SMG6: variants seen among roughly 807,000 people sequenced by gnomAD.
The protein encoded by SMG6 is SMG6 nonsense mediated mRNA decay factor.
SMG6 carries 66 observed loss-of-function variants against 142.2 expected under a neutral mutation model. That is an observed-to-expected ratio of 0.46 (90% confidence interval 0.38 to 0.57). SMG6 has a LOEUF of 0.57. Among genes scored for constraint, SMG6 ranks in the 20% least tolerant of loss-of-function variants. SMG6 has a pLI of 0.00. For synonymous variants in SMG6, 779 were observed against 702.4 expected (o/e 1.11, Z -1.72); for missense variants, 1,793 against 1,832.0 (o/e 0.98, Z 0.39).
intron 8 of SMG6, chr17:2,244,995 T>C (rs1427865347): frequency 4.5e-6 from 2 of 439,794 alleles, no homozygotes; most frequent in East Asian, 7.4e-5. Flanking sequence ...TGAATCCTAA[T>C]AAGCAGGATA....
At chr17:2,087,890 A>G in intron 13 of SMG6, 2 of 985,816 alleles carry the variant, frequency 2.0e-6, no homozygotes, top group Non-Finnish European at 2.4e-6. Context: ...CCTTGTCGTT[A>G]CAGTGTGTGT....
intron 10 of SMG6, among the ~76,000 whole-genome samples, chr17:2,192,326 T>C (rs2072189601): frequency 1.3e-5 from 2 of 152,260 alleles, no homozygotes; most frequent in African/African-American, 4.8e-5. Flanking sequence ...CTGGCAGCGA[T>C]GGAACTATCA....
chr17:2,288,032 G>GGCA (rs2074945991), intron 6 of SMG6, among the ~76,000 whole-genome samples: 3 of 152,220 alleles, frequency 2.0e-5, no homozygotes, highest in Admixed American at 2.0e-4. Flanking sequence ...GGGTAAGACA[G>GGCA]GCAGGGCATG....
chr17:2,252,822 T>C (rs1295534077), intron 8 of SMG6, among the ~76,000 whole-genome samples: 2 of 152,182 alleles, frequency 1.3e-5, no homozygotes, highest in Admixed American at 6.5e-5. Flanking sequence ...CTGGGCTATA[T>C]CAGACACTGG....
intron 13 of SMG6, among the ~76,000 whole-genome samples, chr17:2,161,718 TAA>T (rs112428763): frequency 7.0e-6 from 1 of 142,524 alleles, no homozygotes; most frequent in Non-Finnish European, 1.5e-5. Context: ...AGGATTTGTC[TAA>T]AAAAAAAAAA....
intron 13 of SMG6, among the ~76,000 whole-genome samples, chr17:2,102,316 A>C (rs1489131924): frequency 6.6e-6 from 1 of 152,146 alleles, no homozygotes; most frequent in Non-Finnish European, 1.5e-5. Context: ...TCAAATACTT[A>C]TCATTTTATT....
At chr17:2,102,988 T>C (rs529112374) in intron 13 of SMG6, among the ~76,000 whole-genome samples, 1 of 152,326 alleles carries the variant, frequency 6.6e-6, no homozygotes, top group East Asian at 1.9e-4. Context: ...AAAGGCCAAA[T>C]AGTACTCCAT....
chr17:2,119,849 A>G (rs1156863791), intron 13 of SMG6, among the ~76,000 whole-genome samples: 1 of 152,096 alleles, frequency 6.6e-6, no homozygotes, highest in Non-Finnish European at 1.5e-5. Context: ...TTTTTAGTAG[A>G]GACCAGGTTT....
At chr17:2,162,861 T>C (rs1489479933) in intron 13 of SMG6, among the ~76,000 whole-genome samples, 1 of 152,130 alleles carries the variant, frequency 6.6e-6, no homozygotes, top group Non-Finnish European at 1.5e-5. Context: ...AGAAAGGGTC[T>C]CCCTCTGTGG....
chr17:2,230,255 C>T (rs1187997386), intron 10 of SMG6, among the ~76,000 whole-genome samples: 1 of 98,992 alleles, frequency 1.0e-5, no homozygotes, highest in African/African-American at 3.9e-5. Flanking sequence ...GTCCTGCTGC[C>T]AAAATTCCTC....
intron 12 of SMG6, among the ~76,000 whole-genome samples, chr17:2,178,576 G>A (rs2071715032): frequency 6.6e-6 from 1 of 152,302 alleles, no homozygotes; most frequent in African/African-American, 2.4e-5. Flanking sequence ...AGGGCAGCTG[G>A]AACCCTATGG....
chr17:2,225,632 C>A (rs187476810), intron 10 of SMG6, among the ~76,000 whole-genome samples: 14 of 152,060 alleles, frequency 9.2e-5, no homozygotes, highest in Admixed American at 7.2e-4. Context: ...TACATGACAA[C>A]GATGGCATGC....
At chr17:2,169,874 C>A (rs2071450731) in intron 13 of SMG6, among the ~76,000 whole-genome samples, 2 of 152,104 alleles carry the variant, frequency 1.3e-5, no homozygotes, top group African/African-American at 4.8e-5. Flanking sequence ...GGAACCAGAG[C>A]AACCAGTCAG....
chr17:2,200,406 C>A (rs1378432789), intron 10 of SMG6, among the ~76,000 whole-genome samples: 1 of 151,798 alleles, frequency 6.6e-6, no homozygotes, highest in Non-Finnish European at 1.5e-5. Context: ...ATGTGCACAA[C>A]GTGCAGGTTT....
At chr17:2,244,094 C>T (rs1382104728) in intron 9 of SMG6, among the ~76,000 whole-genome samples, 1 of 152,290 alleles carries the variant, frequency 6.6e-6, no homozygotes, top group East Asian at 1.9e-4. Context: ...TAGTTTTGCA[C>T]ACACTACCTT....
rs553594178 is a variant in SMG6, at chr17:2,296,389, T to C, written c.2151+854A>G. On this transcript the variant is annotated intron_variant, in intron 4 of 18. Transcript: ENST00000263073. ...CTTGACAATCTCCAAGAAGCCTTCC[T>C]TGGCCCCACCAGGCTACGTTAGATT... Among the ~76,000 whole-genome samples, 9 of 152,326 alleles carry C rather than the reference T, an allele frequency of 5.9e-5. No individual in the cohort carries two copies. The South Asian group carries it at 1.4e-3, about 25-fold the overall frequency.
rs549489817 is a variant in SMG6 at position 2,218,005 on chromosome 17, G to T, written c.2869+18487C>A. Among the ~76,000 whole-genome samples the T allele has an allele frequency of 7.4e-5, 11 of 148,006 alleles. 1 individual carries two copies. The South Asian group carries it at 2.4e-3, about 32-fold the overall frequency. On this transcript the variant is annotated intron_variant, in intron 10 of 18. Coordinates refer to ENST00000263073, the MANE Select transcript of SMG6 (RefSeq NM_017575.5). ...AGCTTGGGCGACACAGCGAGACTCG[G>T]TCTCAAAAAACAAAAACAAAAACAA...
In SMG6 at chr17:2,300,470, T is replaced by G; in HGVS notation, c.283A>C (p.Lys95Gln). ...TTGTTCAGTTCCTTGCAGACATCTT[T>G]AACGGGCTGTGTACCATTTTCAACA... Reference protein sequence around the residue: ...SAVENGTQPVKDVCKELNNQE... With the variant: ...SAVENGTQPVQDVCKELNNQE... Residue 95 changes from lysine (K) to glutamine (Q), a missense_variant, in exon 2 of 19, where the codon AAA (lysine) becomes CAA (glutamine). Coordinates refer to ENST00000263073, the MANE Select transcript of SMG6 (RefSeq NM_017575.5). 1 of 1,614,216 alleles carries G rather than the reference T, an allele frequency of 6.2e-7. No homozygotes were observed. The highest frequency in any genetic ancestry group is 8.5e-7 in the Non-Finnish European group (1 of 1,180,026).
intron 8 of SMG6, among the ~76,000 whole-genome samples, chr17:2,271,019 G>A (rs569864390): frequency 6.6e-6 from 1 of 152,002 alleles, no homozygotes; most frequent in South Asian, 2.1e-4. Context: ...GAAAAATAAG[G>A]CCAGGCGTGG....
Sources: allele counts gnomAD v4.1 joint callset (sites outside exome capture counted in the v4.1 genomes callset), GRCh38; gene constraint gnomAD v4.1.1; transcripts MANE v1.5; gene names NCBI Gene and HGNC (gene_info 2026-07-23, HGNC 2026-07-21).